The following MAP2K5 variants were observed in gnomAD, a reference collection of about 807,000 sequenced individuals.
MAP2K5 encodes the protein mitogen-activated protein kinase kinase 5.
MAP2K5 carries 49 observed loss-of-function variants against 83.1 expected under a neutral mutation model. That is an observed-to-expected ratio of 0.59 (90% CI 0.47 to 0.75). The LOEUF is 0.75. Among genes scored for constraint, MAP2K5 ranks in the 30% least tolerant of loss-of-function variants. MAP2K5 has a pLI of 0.00. For missense variants in MAP2K5, 457 were observed against 557.5 expected, an observed-to-expected ratio of 0.82 and a Z score of 1.82; for synonymous variants, 202 against 191.8, an observed-to-expected ratio of 1.05 and a Z score of -0.44.
intron 16 of MAP2K5, among the ~76,000 whole-genome samples, chr15:67,712,878 A>T (rs1240816652): frequency 6.6e-6 from 1 of 151,982 alleles, no homozygotes; most frequent in East Asian, 1.9e-4. Flanking sequence ...AGATCATGCC[A>T]TTGCACTCCG....
At chr15:67,805,227 G>T (rs772592944) in intron 21 of MAP2K5, among the ~76,000 whole-genome samples, 4 of 152,216 alleles carry the variant, frequency 2.6e-5, no homozygotes, top group African/African-American at 4.8e-5. Context: ...CCCACGCAGG[G>T]TGTCCCCAGG....
intron 8 of MAP2K5, among the ~76,000 whole-genome samples, chr15:67,608,729 G>A (rs960817041): frequency 6.6e-6 from 1 of 152,208 alleles, no homozygotes; most frequent in South Asian, 2.1e-4. Context: ...TAGATGAGGA[G>A]CAGGTTTGCT....
intron 16 of MAP2K5, among the ~76,000 whole-genome samples, chr15:67,712,598 C>CTTT (rs2088718023): frequency 6.6e-6 from 1 of 152,052 alleles, no homozygotes; most frequent in Non-Finnish European, 1.5e-5. Flanking sequence ...TTTCAGAGAA[C>CTTT]AGCAAGAAAT....
intron 7 of MAP2K5, among the ~76,000 whole-genome samples, chr15:67,593,767 T>C (rs561193750): frequency 4.6e-5 from 7 of 152,372 alleles, no homozygotes; most frequent in South Asian, 4.1e-4. Flanking sequence ...AAGACTCTTA[T>C]TGATTTTCTT....
At chr15:67,671,911 T>G (rs547467193) in intron 13 of MAP2K5, among the ~76,000 whole-genome samples, 1 of 149,274 alleles carries the variant, frequency 6.7e-6, no homozygotes, top group Non-Finnish European at 1.5e-5. Context: ...AAACATGTGG[T>G]GTTTGGTTTT....
chr15:67,549,213 T>TAG (rs1448982936), intron 1 of MAP2K5: 1 of 1,530,612 alleles, frequency 6.5e-7, no homozygotes, highest in African/African-American at 1.4e-5. Context: ...AGAGCGTAGG[T>TAG]GTTCTATGCT....
At chr15:67,564,506 T>C (rs1402561292) in intron 3 of MAP2K5, among the ~76,000 whole-genome samples, 1 of 152,178 alleles carries the variant, frequency 6.6e-6, no homozygotes, top group Non-Finnish European at 1.5e-5. Flanking sequence ...TTTCTGCCAA[T>C]AGTTTTAATT....
intron 17 of MAP2K5, among the ~76,000 whole-genome samples, chr15:67,731,458 T>A (rs1484089287): frequency 6.6e-6 from 1 of 152,186 alleles, no homozygotes; most frequent in Non-Finnish European, 1.5e-5. Flanking sequence ...TGTTTTAGTT[T>A]CCTTTAGGCC....
At chr15:67,804,264 C>G (rs2090758223) in intron 21 of MAP2K5, among the ~76,000 whole-genome samples, 1 of 152,240 alleles carries the variant, frequency 6.6e-6, no homozygotes, top group African/African-American at 2.4e-5. Flanking sequence ...CCACAGTGCA[C>G]AGCCTAGGAC....
intron 4 of MAP2K5, among the ~76,000 whole-genome samples, chr15:67,583,900 C>T (rs1053422935): frequency 3.9e-5 from 6 of 152,028 alleles, no homozygotes; most frequent in African/African-American, 7.2e-5. Flanking sequence ...GCATGTGCCA[C>T]CACGCTGGGC....
At chr15:67,740,777 C>T (rs961084361) in intron 17 of MAP2K5, among the ~76,000 whole-genome samples, 1 of 152,116 alleles carries the variant, frequency 6.6e-6, no homozygotes, top group Non-Finnish European at 1.5e-5. Context: ...CCTATAATCC[C>T]AGCACTTTGG....
rs2090723524 is a variant in MAP2K5 at position 67,802,452 on chromosome 15, T to A, written c.1243-4194T>A. Among the ~76,000 whole-genome samples, 1 of 152,226 alleles carries A rather than the reference T, an allele frequency of 6.6e-6. No homozygotes were observed. Among genetic ancestry groups the A allele is most frequent in the Non-Finnish European group, 1.5e-5 (1 of 68,042 alleles). ...GTCATCCTGCCTCTGGCAGCCCTGT[T>A]CTTTTCCCTTCATTGTGTCTCCAAC... On this transcript the variant is annotated intron_variant, in intron 21 of 21. Coordinates refer to ENST00000178640, the MANE Select transcript of MAP2K5 (RefSeq NM_145160.3). This position sits in a 1 kb window ranked among gnomAD's most constrained non-coding sequence, Gnocchi z 5.0.
intron 3 of MAP2K5, among the ~76,000 whole-genome samples, chr15:67,571,803 C>T (rs143019232): frequency 1.4e-3 from 214 of 152,206 alleles, no homozygotes; most frequent in African/African-American, 5.0e-3. Context: ...GTCACTCACT[C>T]GCTGGTTTGT....
chr15:67,730,944 C>G lies in MAP2K5; in HGVS notation c.1074+2999C>G, dbSNP rs556458493. Among the ~76,000 whole-genome samples the G allele has an allele frequency of 2.6e-5, 4 of 152,248 alleles. No homozygotes were observed. The East Asian group carries it at 7.7e-4, about 29-fold the overall frequency. ...CTCTGAGGTGTCAGTTTCCTCATCT[C>G]TAAAATGAGGATTCTAATGCCTACC... On this transcript the variant is annotated intron_variant, in intron 17 of 21. Transcript: ENST00000178640.
chr15:67,655,429 T>C (rs2087046542), intron 11 of MAP2K5, among the ~76,000 whole-genome samples: 1 of 152,206 alleles, frequency 6.6e-6, no homozygotes, highest in Admixed American at 6.5e-5. Context: ...GAGATAAATT[T>C]CCCAGTTTAT....
At chr15:67,625,212 G>A (rs1596672721) in intron 8 of MAP2K5, among the ~76,000 whole-genome samples, 1 of 152,202 alleles carries the variant, frequency 6.6e-6, no homozygotes, top group Non-Finnish European at 1.5e-5. Context: ...TGGATAGAAA[G>A]TATTCGCTTG....
At chr15:67,675,305 A>G (rs2087650415) in intron 13 of MAP2K5, among the ~76,000 whole-genome samples, 1 of 152,166 alleles carries the variant, frequency 6.6e-6, no homozygotes, top group African/African-American at 2.4e-5. Context: ...ACCTAGATGA[A>G]CCTCCAGATC....
At chr15:67,590,446 C>CCTCTCTCTCTCTCTCTCT (rs57701485) in intron 6 of MAP2K5, among the ~76,000 whole-genome samples, 1 of 30,544 alleles carries the variant, frequency 3.3e-5, no homozygotes, top group Non-Finnish European at 6.3e-5. Flanking sequence ...TCCCTCCCTC[C>CCTCTCTCTCTCTCTCTCT]CTCTCTCTCT....
At chr15:67,788,759 C>A (rs4776971) in intron 21 of MAP2K5, among the ~76,000 whole-genome samples, 80,887 of 151,756 alleles carry the variant, frequency 0.53, 22,347 homozygotes, top group East Asian at 0.86. Context: ...GGATCACTTT[C>A]GCCCAGGAGT....
Sources: allele counts gnomAD v4.1 joint callset (sites outside exome capture counted in the v4.1 genomes callset), GRCh38; gene constraint gnomAD v4.1.1; non-coding constraint Gnocchi (gnomAD v3.1); transcripts MANE v1.5; gene names NCBI Gene and HGNC (gene_info 2026-07-23, HGNC 2026-07-21).